Variants in TMEFF2 observed in about 807,000 individuals in gnomAD.
TMEFF2 encodes tomoregulin-2.
Under a neutral mutation model 53.8 loss-of-function variants are expected in TMEFF2, and 28 were observed. The ratio of observed to expected loss-of-function variants is 0.52; its 90% CI spans 0.39 to 0.71. The LOEUF (loss-of-function observed/expected upper bound fraction) is 0.71. Ranked by LOEUF, TMEFF2 falls within the 30% of genes least tolerant of loss-of-function variation. The pLI is 0.00. For missense variants in TMEFF2, 353 were observed against 455.2 expected (o/e 0.78, Z 2.04); for synonymous variants, 162 against 166.3 (o/e 0.97, Z 0.20).
intron 5 of TMEFF2, chr2:192,044,272 G>A (rs1300764760): frequency 6.6e-6 from 1 of 152,166 alleles, no homozygotes; most frequent in Admixed American, 6.5e-5. Flanking sequence ...TTGACGTAGT[G>A]AGCAAGAAGT....
At chr2:191,958,287 A>G (rs770424710) in intron 7 of TMEFF2, among the ~76,000 whole-genome samples, 4 of 152,076 alleles carry the variant, frequency 2.6e-5, no homozygotes, top group Admixed American at 2.6e-4. Context: ...AAACTATTCG[A>G]CACTTCTATG....
At chr2:191,981,178 A>G (rs1307115771) in intron 7 of TMEFF2, among the ~76,000 whole-genome samples, 1 of 152,172 alleles carries the variant, frequency 6.6e-6, no homozygotes, top group Non-Finnish European at 1.5e-5. Context: ...ATGAGGAAAG[A>G]GACTTAATTG....
At chr2:192,128,782 G>A (rs6720021) in intron 4 of TMEFF2, among the ~76,000 whole-genome samples, 151,527 of 152,312 alleles carry the variant, frequency 0.99, 75,378 homozygotes, top group Middle Eastern at 1. Flanking sequence ...AACCTTGATT[G>A]TGGGTTGCCA....
At chr2:191,964,382 CTT>C (rs1491453993) in intron 7 of TMEFF2, among the ~76,000 whole-genome samples, 3,983 of 26,768 alleles carry the variant, frequency 0.15, 101 homozygotes, top group Middle Eastern at 0.21. Context: ...CTCTTTCTTT[CTT>C]TCTTTCTTTC....
chr2:192,191,745 CTAG>C (rs1691465743), intron 2 of TMEFF2, 132 bp downstream of exon 2: 1 of 606,376 alleles, frequency 1.6e-6, no homozygotes, highest in East Asian at 2.8e-5. Context: ...GGCTCTCTTG[CTAG>C]TACTTTTGCT....
At chr2:192,026,716 T>G (rs1358223403) in intron 5 of TMEFF2, among the ~76,000 whole-genome samples, 1 of 152,216 alleles carries the variant, frequency 6.6e-6, no homozygotes, top group Non-Finnish European at 1.5e-5. Flanking sequence ...AAACAAAGAC[T>G]TAGCTTCTGT....
rs1043953832 is a variant in TMEFF2, at chr2:191,989,510, A to C, written c.745+8752T>G. ...AATATATGCTCTAGTTAGGCTTACC[A>C]AGTAACCTCAGTATAACTGGGCTTC... On this transcript the variant is annotated intron_variant, in intron 7 of 9. Transcript: ENST00000272771. 3.3e-5 allele frequency among the ~76,000 whole-genome samples: 5 copies of C among 152,166 alleles called. No individual in the cohort carries two copies. In the South Asian group the frequency reaches 8.3e-4, roughly 25 times the overall value.
intron 9 of TMEFF2, among the ~76,000 whole-genome samples, chr2:191,951,060 A>G (rs1259326406): frequency 3.8e-5 from 3 of 78,924 alleles, no homozygotes; most frequent in African/African-American, 1.5e-4. Context: ...GAAAGTTCAT[A>G]TAAAATTCTA....
At chr2:192,079,557 G>C (rs540626877) in intron 4 of TMEFF2, among the ~76,000 whole-genome samples, 47 of 152,272 alleles carry the variant, frequency 3.1e-4, no homozygotes, top group Middle Eastern at 6.8e-3. Flanking sequence ...CATTGTGAGG[G>C]AGAAATAAAC....
intron 4 of TMEFF2, among the ~76,000 whole-genome samples, chr2:192,102,382 C>A (rs868005657): frequency 7.9e-5 from 12 of 152,200 alleles, no homozygotes; most frequent in African/African-American, 2.6e-4. Flanking sequence ...AAAGTCTTAA[C>A]CATGGTTGTG....
chr2:192,140,996 G>T (rs1198979154), intron 4 of TMEFF2, among the ~76,000 whole-genome samples: 1 of 152,118 alleles, frequency 6.6e-6, no homozygotes, highest in East Asian at 1.9e-4. Flanking sequence ...ATACAAAAGT[G>T]AGTGGGATGG....
At chr2:192,049,812 TAACACGATG>T (rs1488104051) in intron 5 of TMEFF2, among the ~76,000 whole-genome samples, 1 of 152,038 alleles carries the variant, frequency 6.6e-6, no homozygotes, top group Non-Finnish European at 1.5e-5. Flanking sequence ...CCATCCTGGC[TAACACGATG>T]AAACCCCATC....
chr2:192,159,440 T>A (rs1024852039), intron 4 of TMEFF2, among the ~76,000 whole-genome samples: 5 of 152,158 alleles, frequency 3.3e-5, no homozygotes, highest in Admixed American at 1.3e-4. Context: ...ATCTTTATGA[T>A]GAAGCTGTGA....
intron 5 of TMEFF2, among the ~76,000 whole-genome samples, chr2:192,047,465 CA>C (rs1289774771): frequency 6.6e-6 from 1 of 152,084 alleles, no homozygotes. Context: ...TCAGAGAATA[CA>C]GTGAACTACT....
chr2:192,110,763 G>A (rs1050862014), intron 4 of TMEFF2, among the ~76,000 whole-genome samples: 1 of 152,092 alleles, frequency 6.6e-6, no homozygotes, highest in Non-Finnish European at 1.5e-5. Context: ...ATATGGTTTG[G>A]CTGTGTCCCC....
At chr2:192,184,671 C>G (rs887204334) in intron 2 of TMEFF2, among the ~76,000 whole-genome samples, 188 bp from the exon 3 acceptor site, 2 of 152,082 alleles carry the variant, frequency 1.3e-5, no homozygotes, top group Non-Finnish European at 2.9e-5. Context: ...GTTAGCCAAC[C>G]AGTCATTTGA....
At chr2:191,954,914 G>A (rs921968410) in intron 8 of TMEFF2, among the ~76,000 whole-genome samples, 1 of 152,056 alleles carries the variant, frequency 6.6e-6, no homozygotes, top group Admixed American at 6.6e-5. Flanking sequence ...CATTGATTTT[G>A]TGGAACTATT....
intron 4 of TMEFF2, among the ~76,000 whole-genome samples, chr2:192,128,605 C>T (rs1689734938): frequency 6.6e-6 from 1 of 152,136 alleles, no homozygotes; most frequent in South Asian, 2.1e-4. Context: ...TTGTGCAACT[C>T]ACTTTTAATA....
rs550220672 is a variant in TMEFF2 at position 192,148,101 on chromosome 2, A to T, written c.439+31567T>A. The stretch of plus-strand genomic sequence containing the variant: ...ATCACTGCAGCTAATGCTTACATTT[A>T]GGTTGCACAGAGTATCAATTTGGGC... On this transcript the variant is annotated intron_variant, in intron 4 of 9. Transcript: ENST00000272771. 3.3e-5 allele frequency among the ~76,000 whole-genome samples: 5 copies of T among 152,148 alleles called. No homozygotes were observed. In the South Asian group the frequency reaches 1.0e-3, roughly 32 times the overall value.
Sources: allele counts gnomAD v4.1 joint callset (sites outside exome capture counted in the v4.1 genomes callset), GRCh38; gene constraint gnomAD v4.1.1; transcripts MANE v1.5; gene names NCBI Gene and HGNC (gene_info 2026-07-23, HGNC 2026-07-21).